The following GRID1 variants were observed in gnomAD, a reference collection of about 807,000 sequenced individuals.
The protein encoded by GRID1 is glutamate ionotropic receptor delta type subunit 1.
In GRID1, 28 loss-of-function variants were observed where a neutral mutation model predicts 98.0. The ratio of observed to expected loss-of-function variants is 0.29; its 90% CI spans 0.21 to 0.39. The LOEUF is 0.39. GRID1 is among the 10% of genes least tolerant of loss of function. The pLI is 1.00. For missense variants in GRID1, 1,111 were observed against 1,340.5 expected (o/e 0.83, Z 2.67); for synonymous variants, 553 against 538.5 (o/e 1.03, Z -0.37).
At chr10:85,961,652 C>G (rs1438117252) in intron 4 of GRID1, among the ~76,000 whole-genome samples, 1 of 151,506 alleles carries the variant, frequency 6.6e-6, no homozygotes, top group African/African-American at 2.4e-5. Flanking sequence ...CTCTTTCCCT[C>G]CTTCCTTCTC....
At chr10:86,062,413 G>A (rs372400719) in intron 4 of GRID1, among the ~76,000 whole-genome samples, 17 of 152,158 alleles carry the variant, frequency 1.1e-4, no homozygotes, top group East Asian at 9.7e-4. Flanking sequence ...GGTCTTCTCC[G>A]GAGGTCCCAC....
At chr10:85,805,330 T>C (rs1463936050) in intron 8 of GRID1, among the ~76,000 whole-genome samples, 1 of 151,638 alleles carries the variant, frequency 6.6e-6, no homozygotes, top group East Asian at 1.9e-4. Context: ...TAAAAAACTA[T>C]TGATGAGAAA....
intron 12 of GRID1, among the ~76,000 whole-genome samples, chr10:85,671,648 A>T (rs1841086926): frequency 6.6e-6 from 1 of 152,204 alleles, no homozygotes; most frequent in Non-Finnish European, 1.5e-5. Flanking sequence ...TGAAAGGAAG[A>T]GTTGTACATC....
chr10:86,093,376 C>T (rs1844174987), intron 4 of GRID1, among the ~76,000 whole-genome samples: 1 of 145,458 alleles, frequency 6.9e-6, no homozygotes, highest in Non-Finnish European at 1.5e-5. Flanking sequence ...CAGAGCAGAA[C>T]TAAATGAAAC....
At chr10:86,063,694 C>T (rs1196945535) in intron 4 of GRID1, among the ~76,000 whole-genome samples, 1 of 152,108 alleles carries the variant, frequency 6.6e-6, no homozygotes, top group Non-Finnish European at 1.5e-5. Flanking sequence ...CCATGATATA[C>T]TGTGATGTGA....
intron 5 of GRID1, among the ~76,000 whole-genome samples, chr10:85,909,819 C>G (rs1386329842): frequency 6.6e-6 from 1 of 152,154 alleles, no homozygotes; most frequent in African/African-American, 2.4e-5. Context: ...CAGATACGTT[C>G]ACTACCTCTA....
intron 8 of GRID1, among the ~76,000 whole-genome samples, chr10:85,830,882 C>T (rs149029754): frequency 6.6e-6 from 1 of 152,178 alleles, no homozygotes; most frequent in East Asian, 1.9e-4. Flanking sequence ...ATTAGCTCAG[C>T]CATTGCGGAA....
intron 4 of GRID1, among the ~76,000 whole-genome samples, chr10:86,080,167 C>G (rs965717428): frequency 6.6e-6 from 1 of 151,786 alleles, no homozygotes; most frequent in Non-Finnish European, 1.5e-5. Flanking sequence ...AACCCCGTCT[C>G]TACTAAAAAT....
chr10:86,013,579 A>C (rs1842945076), intron 4 of GRID1, among the ~76,000 whole-genome samples: 1 of 152,168 alleles, frequency 6.6e-6, no homozygotes, highest in African/African-American at 2.4e-5. Context: ...TATCTCAAAC[A>C]ACAACAAAAA....
At chr10:86,106,482 C>T (rs1405201643) in intron 4 of GRID1, among the ~76,000 whole-genome samples, 3 of 150,966 alleles carry the variant, frequency 2.0e-5, no homozygotes, top group African/African-American at 7.3e-5. Flanking sequence ...GAGGGAGGGG[C>T]CTGCTTCAGG....
At chr10:85,693,655 A>C (rs1382307744) in intron 12 of GRID1, among the ~76,000 whole-genome samples, 3 of 152,188 alleles carry the variant, frequency 2.0e-5, no homozygotes, top group Non-Finnish European at 4.4e-5. Flanking sequence ...ACTGATCTTT[A>C]GCAAAGTCAA....
chr10:86,029,521 A>G (rs1366642264), intron 4 of GRID1, among the ~76,000 whole-genome samples: 3 of 152,240 alleles, frequency 2.0e-5, no homozygotes, highest in East Asian at 1.9e-4. Context: ...GTATAAGACT[A>G]AAGTTTATTC....
chr10:85,794,263 T>A (rs1656746144), intron 8 of GRID1, among the ~76,000 whole-genome samples: 1 of 152,198 alleles, frequency 6.6e-6, no homozygotes, highest in Non-Finnish European at 1.5e-5. Flanking sequence ...TTTAGCTGCT[T>A]AATATGATCA....
chr10:85,960,234 AG>A (rs1400743706), intron 4 of GRID1, among the ~76,000 whole-genome samples: 2 of 152,224 alleles, frequency 1.3e-5, no homozygotes, highest in Non-Finnish European at 2.9e-5. Context: ...AGAATAGCAA[AG>A]TCCTAAGGTA....
At chr10:85,773,977 C>A (rs1842301220) in intron 8 of GRID1, among the ~76,000 whole-genome samples, 1 of 152,082 alleles carries the variant, frequency 6.6e-6, no homozygotes, top group African/African-American at 2.4e-5. Flanking sequence ...AAGACTACTT[C>A]AAAGTTCATA....
chr10:86,073,076 A>G (rs535704046), intron 4 of GRID1, among the ~76,000 whole-genome samples: 1 of 152,336 alleles, frequency 6.6e-6, no homozygotes, highest in South Asian at 2.1e-4. Context: ...CCAGTTTGTA[A>G]GTTGTTTGTT....
At chr10:85,604,331 T>A (rs1025544445) in intron 15 of GRID1, among the ~76,000 whole-genome samples, 21 of 152,294 alleles carry the variant, frequency 1.4e-4, no homozygotes, top group Admixed American at 1.4e-3. Context: ...AACTGACAAG[T>A]CATTCCAGGG....
At chr10:86,235,369 C>T (rs572538116) in intron 2 of GRID1, among the ~76,000 whole-genome samples, 1 of 152,366 alleles carries the variant, frequency 6.6e-6, no homozygotes, top group Admixed American at 6.5e-5. Flanking sequence ...TAGTTATGGT[C>T]TTCAGCAAGA....
intron 6 of GRID1, among the ~76,000 whole-genome samples, chr10:85,864,932 A>G (rs2131788687): frequency 6.6e-6 from 1 of 152,302 alleles, no homozygotes. Flanking sequence ...CACCCCTTAG[A>G]AACACATTTG....
Sources: allele counts gnomAD v4.1 joint callset (sites outside exome capture counted in the v4.1 genomes callset), GRCh38; gene constraint gnomAD v4.1.1; transcripts MANE v1.5; gene names NCBI Gene and HGNC (gene_info 2026-07-23, HGNC 2026-07-21).